The following JAK1 variants were observed in gnomAD, a reference collection of about 807,000 sequenced individuals.
JAK1 encodes Janus kinase 1.
In JAK1, 16 loss-of-function variants were observed where a neutral mutation model predicts 136.6. That is an observed-to-expected ratio of 0.12 (90% confidence interval 0.08 to 0.18). JAK1 has a LOEUF of 0.18. JAK1 is among the 10% of genes least tolerant of loss of function. The probability of loss-of-function intolerance (pLI) is 1.00; values close to 1 mark genes in which losing one functional copy is unlikely to be tolerated. For synonymous variants in JAK1, 492 were observed against 519.5 expected (o/e 0.95, Z 0.72); for missense variants, 859 against 1,450.1 (o/e 0.59, Z 6.62).
chr1:65,048,856 C>CAGGAGAGGAATG (rs1248315254), intron 1 of JAK1, among the ~76,000 whole-genome samples: 86 of 152,316 alleles, frequency 5.6e-4, no homozygotes, highest in African/African-American at 1.9e-3. Context: ...CTCATGGGAG[C>CAGGAGAGGAATG]AGCTGTACGA....
chr1:64,970,488 C>T (rs1003338927), upstream of JAK1, among the ~76,000 whole-genome samples: 4 of 151,426 alleles, frequency 2.6e-5, no homozygotes, highest in Admixed American at 6.6e-5. Flanking sequence ...TGGTTCATGC[C>T]TGTAATCCTG....
chr1:64,940,125 C>G (rs1645861685), intron 1 of JAK1, among the ~76,000 whole-genome samples: 1 of 152,088 alleles, frequency 6.6e-6, no homozygotes, highest in African/African-American at 2.4e-5. Context: ...CTGATAGCTT[C>G]AAGGAGAGAA....
chr1:65,061,040 A>AT (rs1647770597), intron 1 of JAK1, among the ~76,000 whole-genome samples: 1 of 152,226 alleles, frequency 6.6e-6, no homozygotes, highest in Admixed American at 6.5e-5. Context: ...ACTAGGAACA[A>AT]TTTCTTCATA....
chr1:65,036,243 G>A (rs569581), intron 2 of JAK1, among the ~76,000 whole-genome samples: 11,903 of 152,022 alleles, frequency 0.078, 859 homozygotes, highest in East Asian at 0.32. Context: ...GACCAGCCTG[G>A]GCAAAATAGT....
At chr1:65,067,461 C>T (rs1648111504) in intron 1 of JAK1, 1 of 147,460 alleles carries the variant, frequency 6.8e-6, no homozygotes, top group African/African-American at 2.4e-5. Flanking sequence ...CGCTCCACGG[C>T]GGCGCACGGG....
At chr1:64,939,633 G>C (rs1645852592) in intron 1 of JAK1, among the ~76,000 whole-genome samples, 1 of 152,152 alleles carries the variant, frequency 6.6e-6, no homozygotes, top group South Asian at 2.1e-4. Context: ...TATATACTAG[G>C]AGCTGGGCAC....
intron 1 of JAK1, among the ~76,000 whole-genome samples, chr1:64,961,323 C>T (rs532062327): frequency 2.6e-5 from 4 of 152,208 alleles, no homozygotes; most frequent in African/African-American, 9.6e-5. Flanking sequence ...TAATAAAAGG[C>T]GTTTTCTGGG....
intron 2 of JAK1, among the ~76,000 whole-genome samples, chr1:64,974,979 G>A (rs1400618567): frequency 6.6e-6 from 1 of 151,678 alleles, no homozygotes; most frequent in African/African-American, 2.4e-5. Context: ...ATGCAATCTC[G>A]GCCCACTGCA....
At chr1:64,869,181 A>G (rs1161354435) in intron 6 of JAK1, 130 bp downstream of exon 6, 2 of 754,680 alleles carry the variant, frequency 2.7e-6, no homozygotes, top group African/African-American at 3.5e-5. Flanking sequence ...TAAACATTCT[A>G]AGGAAGATCT....
chr1:64,916,766 G>C (rs1645403812), intron 1 of JAK1, among the ~76,000 whole-genome samples: 1 of 151,650 alleles, frequency 6.6e-6, no homozygotes. Flanking sequence ...TGAACCGGGA[G>C]GCAGAGGTTG....
In JAK1 at chr1:64,838,226, T is replaced by C. The variant is rs537404805; in HGVS notation, c.2968-122A>G. On this transcript the variant is annotated intron_variant, in intron 21 of 24. Coordinates refer to ENST00000342505, the MANE Select transcript of JAK1 (RefSeq NM_002227.4). ...CACATATCACTGACAATTTTTTTGG[T>C]TCTGACTTTTATGCAAGAATATTAA... is the stretch of plus-strand genomic sequence containing the variant. 5.3e-4 allele frequency: 583 copies of C among 1,096,268 alleles called. 1 individual carries two copies. Among genetic ancestry groups the C allele is most frequent in the Middle Eastern group, 3.5e-3 (17 of 4,804 alleles). 67.9% of individuals were successfully genotyped at this position (1,096,268 alleles called of 1,614,324 possible). A position where few individuals can be genotyped will look rare whatever the true frequency, so the allele number is the denominator to read the frequency against.
At chr1:64,903,793 G>C (rs758420474) in intron 1 of JAK1, among the ~76,000 whole-genome samples, 82 of 152,320 alleles carry the variant, frequency 5.4e-4, no homozygotes, top group Middle Eastern at 3.4e-3. Context: ...TGAAAGTTAT[G>C]TTAACATAAC....
chr1:64,959,209 G>A (rs1646241760), intron 1 of JAK1, among the ~76,000 whole-genome samples: 1 of 152,150 alleles, frequency 6.6e-6, no homozygotes, highest in South Asian at 2.1e-4. Flanking sequence ...CCAGACCCAA[G>A]AAACCAGTCC....
intron 1 of JAK1, among the ~76,000 whole-genome samples, chr1:64,966,003 A>G (rs1646368165): frequency 6.6e-6 from 1 of 151,642 alleles, no homozygotes; most frequent in African/African-American, 2.4e-5. Flanking sequence ...GGTGGTATAA[A>G]CAGGATGTCA....
chr1:64,963,493 C>T (rs1439853159), intron 1 of JAK1, among the ~76,000 whole-genome samples: 1 of 151,998 alleles, frequency 6.6e-6, no homozygotes, highest in African/African-American at 2.4e-5. Flanking sequence ...AAATGAATAA[C>T]AAAGAATTCG....
At chr1:65,045,729 A>G (rs534108543) in intron 1 of JAK1, among the ~76,000 whole-genome samples, 1 of 152,314 alleles carries the variant, frequency 6.6e-6, no homozygotes, top group East Asian at 1.9e-4. Context: ...CCCTCTTCAC[A>G]TGATAGGAAA....
chr1:64,892,665 T>C (rs549549601), intron 1 of JAK1, among the ~76,000 whole-genome samples: 109 of 152,342 alleles, frequency 7.2e-4, no homozygotes, highest in African/African-American at 2.2e-3. Context: ...TGCATTTATA[T>C]AGCACTTTAT....
chr1:64,918,972 A>G (rs1645447313), intron 1 of JAK1, among the ~76,000 whole-genome samples: 1 of 152,172 alleles, frequency 6.6e-6, no homozygotes, highest in Admixed American at 6.5e-5. Context: ...TCTCATATTG[A>G]TTACATGTTG....
intron 1 of JAK1, among the ~76,000 whole-genome samples, chr1:64,915,969 G>C (rs1035609767): frequency 6.6e-6 from 1 of 152,166 alleles, no homozygotes; most frequent in African/African-American, 2.4e-5. Context: ...TGAGAGACTG[G>C]AATACTGTCT....
Sources: allele counts gnomAD v4.1 joint callset (sites outside exome capture counted in the v4.1 genomes callset), GRCh38; gene constraint gnomAD v4.1.1; transcripts MANE v1.5; gene names NCBI Gene and HGNC (gene_info 2026-07-23, HGNC 2026-07-21).